Variants in RRP12 observed in about 807,000 individuals in gnomAD.
RRP12 encodes ribosomal RNA processing 12 homolog.
A neutral mutation model predicts 157.3 loss-of-function variants in RRP12; 78 were observed. That is an observed-to-expected ratio of 0.50 (90% CI 0.41 to 0.60). The LOEUF (loss-of-function observed/expected upper bound fraction) is 0.60. RRP12 is among the 20% of genes least tolerant of loss of function. The pLI is 0.00. For synonymous variants in RRP12, 726 were observed against 670.9 expected, an observed-to-expected ratio of 1.08 and a Z score of -1.27; for missense variants, 1,521 against 1,679.9, an observed-to-expected ratio of 0.91 and a Z score of 1.65.
intron 4 of RRP12, among the ~76,000 whole-genome samples, chr10:97,391,670 C>T (rs1844807282): frequency 6.6e-6 from 1 of 152,102 alleles, no homozygotes; most frequent in Admixed American, 6.6e-5. Context: ...GCCTGTAATC[C>T]CAGCAGTTTG....
At chr10:97,390,353 A>G in intron 6 of RRP12, 70 bp downstream of exon 6, 1 of 1,212,678 alleles carries the variant, frequency 8.2e-7, no homozygotes, top group Non-Finnish European at 1.2e-6. Context: ...CAGCTAGCCA[A>G]GTCTGGGCTG....
intron 31 of RRP12, among the ~76,000 whole-genome samples, chr10:97,359,992 G>C (rs569774436): frequency 5.3e-5 from 8 of 152,240 alleles, no homozygotes. Context: ...GCAAGGGCTT[G>C]GGGGCAGGGG....
rs774490036 is a variant in RRP12 at position 97,372,065 on chromosome 10, A to G, written c.2343+8T>C. The G allele has an allele frequency of 9.3e-6, 15 of 1,606,740 alleles. No individual in the cohort carries two copies. Among genetic ancestry groups the G allele is most frequent in the Admixed American group, 3.4e-5 (2 of 59,564 alleles). On this transcript the variant is annotated splice_region_variant and intron_variant, in intron 20 of 33. Transcript: ENST00000370992. The stretch of plus-strand genomic sequence containing the variant: ...GGCTGTGTGGCGCTCCTGGCCCCCG[A>G]GGCTCACCTCTAGGTAGGGCCGGAT...
chr10:97,401,309 G>A lies in RRP12; in HGVS notation c.-78C>T. On this transcript the variant is annotated 5_prime_UTR_variant, in exon 1 of 34. Coordinates refer to ENST00000370992, the MANE Select transcript of RRP12 (RefSeq NM_015179.4). ...TAGAAACACGCTCAGAACCCACGTG[G>A]ATACCCTGTAGCCTTCACTTCCTCT... 6.4e-7 allele frequency: 1 copy of A among 1,570,988 alleles called. No individual in the cohort carries two copies. The highest frequency in any genetic ancestry group is 1.1e-5 in the South Asian group (1 of 88,826).
At chr10:97,358,158 C>T (rs1002524084) in intron 33 of RRP12, among the ~76,000 whole-genome samples, 6 of 151,754 alleles carry the variant, frequency 4.0e-5, no homozygotes, top group Admixed American at 1.3e-4. Flanking sequence ...CGCGGTGAAA[C>T]CCCATCTCTA....
intron 15 of RRP12, among the ~76,000 whole-genome samples, chr10:97,377,478 G>A (rs1391662458): frequency 6.6e-6 from 1 of 152,182 alleles, no homozygotes; most frequent in Non-Finnish European, 1.5e-5. Context: ...GCAGTGAACT[G>A]AGATCGTGCC....
intron 24 of RRP12, 47 bp from the exon 25 acceptor site, chr10:97,369,629 C>G: frequency 6.5e-7 from 1 of 1,530,066 alleles, no homozygotes; most frequent in Non-Finnish European, 8.8e-7. Flanking sequence ...GGACCCCACT[C>G]AGACCCAAAC....
intron 29 of RRP12, chr10:97,365,844 C>CAAACAGAAGAGGAGAA (rs1843960391): frequency 2.4e-6 from 1 of 409,282 alleles, no homozygotes; most frequent in African/African-American, 2.1e-5. Flanking sequence ...ACAGAAGAGA[C>CAAACAGAAGAGGAGAA]TAACAGCGTA....
intron 19 of RRP12, among the ~76,000 whole-genome samples, chr10:97,372,508 T>A (rs1404546134): frequency 2.0e-5 from 3 of 152,156 alleles, no homozygotes. Flanking sequence ...GGGGCTGGGA[T>A]CAGAACCTGG....
chr10:97,393,809 C>T lies in RRP12; in HGVS notation c.454-49G>A, dbSNP rs748618625. The T allele has an allele frequency of 2.0e-6, 3 of 1,493,664 alleles. No homozygotes were observed. In the South Asian group the frequency reaches 3.4e-5, roughly 17 times the overall value. The allele number at this position is 1,493,664 out of a possible 1,614,324, so 92.5% of individuals were successfully genotyped here. A position where few individuals can be genotyped will look rare whatever the true frequency, so the allele number is the denominator to read the frequency against. ...TGAATGGATAAAAACTTACACTGAG[C>T]AAACAGGAAAGAGAGTGGGGGAACA... On this transcript the variant is annotated intron_variant, in intron 3 of 33. Transcript: ENST00000370992.
In RRP12 at chr10:97,390,847, G is replaced by C. The variant is rs988117577; in HGVS notation, c.531-3C>G. On this transcript the variant is annotated splice_region_variant and splice_polypyrimidine_tract_variant and intron_variant, in intron 4 of 33. Transcript: ENST00000370992. ...TAATAAGCACAGGGCTGGGAACACT[G>C]TGGGAAAGAACAGAGATGGTCACCC... The C allele has an allele frequency of 6.3e-7, 1 of 1,593,578 alleles. No homozygotes were observed. Among genetic ancestry groups the C allele is most frequent in the Non-Finnish European group, 8.6e-7 (1 of 1,161,222 alleles).
At chr10:97,374,451 T>A (rs188425380) in intron 15 of RRP12, among the ~76,000 whole-genome samples, 77 of 148,214 alleles carry the variant, frequency 5.2e-4, no homozygotes, top group Admixed American at 2.7e-3. Context: ...TGTGCAACAC[T>A]GCACCCAGCC....
chr10:97,395,207 T>TATATACAC (rs112214269), intron 3 of RRP12, among the ~76,000 whole-genome samples: 2 of 149,856 alleles, frequency 1.3e-5, no homozygotes, highest in South Asian at 2.1e-4. Flanking sequence ...TATACACATA[T>TATATACAC]ACACACACAC....
intron 29 of RRP12, 36 bp from the exon 30 acceptor site, chr10:97,363,939 G>A: frequency 6.2e-7 from 1 of 1,602,200 alleles, no homozygotes; most frequent in Non-Finnish European, 8.6e-7. Flanking sequence ...GAGCGCTGTG[G>A]GAGCTCCTCA....
At chr10:97,390,350 C>A in intron 6 of RRP12, 73 bp downstream of exon 6, 1 of 1,181,086 alleles carries the variant, frequency 8.5e-7, no homozygotes, top group African/African-American at 1.5e-5. Context: ...ACTCAGCTAG[C>A]CAAGTCTGGG....
At position 97,371,038 on chromosome 10, in the gene RRP12, T is replaced by C; in HGVS notation, c.2387A>G (p.Glu796Gly). 6.2e-7 allele frequency: 1 copy of C among 1,613,888 alleles called. No homozygotes were observed. Residue 796 changes from glutamate (E) to glycine (G), a missense_variant, in exon 21 of 34, where the codon GAG becomes GGG. Glu to Gly is a moderately conservative substitution (Grantham distance 98). Transcript: ENST00000370992. ...GVQKKAYRVLEEVCASPQGPG... is the reference protein window; with the variant it reads ...GVQKKAYRVLGEVCASPQGPG... ...GCCCTGAGGACTGGCACACACCTCC[T>C]CCAGCACTCGGTAGGCCTTCTTCTG... is the stretch of plus-strand genomic sequence containing the variant.
At chr10:97,377,625 G>A (rs1844346644) in intron 15 of RRP12, among the ~76,000 whole-genome samples, 1 of 149,098 alleles carries the variant, frequency 6.7e-6, no homozygotes, top group South Asian at 2.1e-4. Flanking sequence ...CAGGTGGACC[G>A]CCTGAGGTCA....
rs201647579 is a variant in RRP12 at position 97,397,993 on chromosome 10, G to GTATA, written c.370-1696_370-1693dup. 5.8e-4 allele frequency among the ~76,000 whole-genome samples: 39 copies of GTATA among 67,474 alleles called. 1 individual carries two copies. Among genetic ancestry groups the GTATA allele is most frequent in the Middle Eastern group, 0.019 (2 of 104 alleles). The allele number at this position is 67,474 out of a possible 152,430, so 44.3% of individuals were successfully genotyped here. A position where few individuals can be genotyped will look rare whatever the true frequency, so the allele number is the denominator to read the frequency against. On this transcript the variant is annotated intron_variant, in intron 2 of 33. Transcript: ENST00000370992. ...AACAAAATTGGGTAAAAAAAAATAC[G>GTATA]TATATATATATACATATATATATAT...
At chr10:97,363,712 G>T (rs1047076772) in intron 30 of RRP12, 142 bp downstream of exon 30, 8 of 774,332 alleles carry the variant, frequency 1.0e-5, no homozygotes, top group Non-Finnish European at 1.6e-5. Flanking sequence ...CTTCTGGACC[G>T]CCTGCTATGC....
Sources: gnomAD v4.1 joint callset for allele counts (sites outside exome capture counted in the v4.1 genomes callset) on GRCh38, gnomAD v4.1.1 for gene constraint, MANE v1.5 for transcripts, NCBI Gene and HGNC (gene_info 2026-07-23, HGNC 2026-07-21) for gene names.